The following CACNG5 variants were observed in gnomAD, a reference collection of about 807,000 sequenced individuals.
CACNG5 encodes voltage-dependent calcium channel gamma-5 subunit.
Under a neutral mutation model 24.8 loss-of-function variants are expected in CACNG5, and 18 were observed. That is an observed-to-expected ratio of 0.73 (90% CI 0.50 to 1.08). The LOEUF is 1.08. CACNG5 is among the 50% of genes least tolerant of loss of function. CACNG5 has a pLI of 0.00. For synonymous variants in CACNG5, 157 were observed against 149.1 expected, an observed-to-expected ratio of 1.05 and a Z score of -0.39; for missense variants, 349 against 367.9, an observed-to-expected ratio of 0.95 and a Z score of 0.42.
chr17:66,866,921 A>G (rs984688176), intron 1 of CACNG5, among the ~76,000 whole-genome samples: 3 of 152,238 alleles, frequency 2.0e-5, no homozygotes, highest in Admixed American at 1.3e-4. Context: ...ATAGTGCTGC[A>G]ATAAACATAT....
intron 1 of CACNG5, among the ~76,000 whole-genome samples, chr17:66,851,935 A>G (rs1976713125): frequency 6.6e-6 from 1 of 152,214 alleles, no homozygotes; most frequent in Non-Finnish European, 1.5e-5. Context: ...GGATACTTGG[A>G]TAGCTGATAA....
At chr17:66,865,029 G>T (rs1250299461) in intron 1 of CACNG5, among the ~76,000 whole-genome samples, 2 of 152,146 alleles carry the variant, frequency 1.3e-5, no homozygotes, top group Non-Finnish European at 1.5e-5. Flanking sequence ...CCCAAGTGTT[G>T]AGATTACAGG....
chr17:66,861,064 ATTTC>A (rs1976850120), intron 1 of CACNG5, among the ~76,000 whole-genome samples: 1 of 152,286 alleles, frequency 6.6e-6, no homozygotes, highest in African/African-American at 2.4e-5. Flanking sequence ...ATAATTGCAT[ATTTC>A]TTCTCGACAG....
chr17:66,879,125 G>T, intron 3 of CACNG5, 67 bp downstream of exon 3: 1 of 1,178,190 alleles, frequency 8.5e-7, no homozygotes. Context: ...AGAGGGAAGA[G>T]TCAGTGTGCC....
At chr17:66,859,550 G>C (rs1401284902) in intron 1 of CACNG5, among the ~76,000 whole-genome samples, 1 of 152,112 alleles carries the variant, frequency 6.6e-6, no homozygotes, top group East Asian at 1.9e-4. Flanking sequence ...TCCTCCTTGG[G>C]CAGCACCGTG....
intron 1 of CACNG5, among the ~76,000 whole-genome samples, chr17:66,849,114 G>A (rs1568063087): frequency 6.6e-6 from 1 of 152,226 alleles, no homozygotes; most frequent in Non-Finnish European, 1.5e-5. Context: ...CAAAACTGCA[G>A]CCAACATTTT....
rs983109679 is a variant in CACNG5, at chr17:66,887,265, G to C, written c.*2025G>C. Among the ~76,000 whole-genome samples the C allele has an allele frequency of 4.5e-4, 69 of 152,210 alleles. 1 individual carries two copies. Among genetic ancestry groups the C allele is most frequent in the Admixed American group, 4.4e-3 (68 of 15,286 alleles). ...TCCTTGGGCAACACCCTTCCACTCT[G>C]AGGGGCTTGGCCTAAATGGTTTCCA... On this transcript the variant is annotated 3_prime_UTR_variant, in exon 6 of 6. Coordinates refer to ENST00000533854, the MANE Select transcript of CACNG5 (RefSeq NM_145811.3).
chr17:66,892,159 A>T lies in CACNG5; in HGVS notation c.*6919A>T, dbSNP rs1977353489. ...GCTGGGTGGACTCCTGAGGAGGTGG[A>T]AGCCCCAGGGACCTCCCCCCACTCC... On this transcript the variant is annotated 3_prime_UTR_variant, in exon 6 of 6. Transcript: ENST00000533854. Among the ~76,000 whole-genome samples, 1 of 152,194 alleles carries T rather than the reference A, an allele frequency of 6.6e-6. No individual in the cohort carries two copies. The highest frequency in any genetic ancestry group is 1.5e-5 in the Non-Finnish European group (1 of 68,020).
At chr17:66,858,855 G>A (rs1976817892) in intron 1 of CACNG5, among the ~76,000 whole-genome samples, 1 of 152,176 alleles carries the variant, frequency 6.6e-6, no homozygotes, top group African/African-American at 2.4e-5. Context: ...TACTCACAAT[G>A]TTCTTTAAAG....
rs1453055909 is a variant in CACNG5, at chr17:66,884,664, A to G, written c.570+3A>G. Reference sequence around the variant, plus strand: ...CCATCTCCTTCCTTTTAACGGAGGTAAAGCCCGTCACCCTAAGTATGGATA... The same window carrying G: ...CCATCTCCTTCCTTTTAACGGAGGTGAAGCCCGTCACCCTAAGTATGGATA... On this transcript the variant is annotated splice_donor_region_variant and intron_variant, in intron 5 of 5. Coordinates refer to ENST00000533854, the MANE Select transcript of CACNG5 (RefSeq NM_145811.3). 1.9e-5 allele frequency: 31 copies of G among 1,614,058 alleles called. No homozygotes were observed. The highest frequency in any genetic ancestry group is 2.6e-5 in the Non-Finnish European group (31 of 1,180,032).
chr17:66,861,244 A>G (rs572507655), intron 1 of CACNG5, among the ~76,000 whole-genome samples: 1 of 152,250 alleles, frequency 6.6e-6, no homozygotes, highest in Admixed American at 6.5e-5. Flanking sequence ...TCACATACAC[A>G]GGAAGAAATG....
Position 66,886,419 on chromosome 17 carries a change from G to C in CACNG5, c.*1179G>C, listed in dbSNP as rs778940386. Among the ~76,000 whole-genome samples the C allele has an allele frequency of 1.3e-5, 2 of 152,228 alleles. No homozygotes were observed. Among genetic ancestry groups the C allele is most frequent in the Non-Finnish European group, 2.9e-5 (2 of 68,032 alleles). Reference sequence around the variant, plus strand: ...TCAGATTTTTCCAGAAGACCAGGCAGTGTGACACCCATTCTTCTGGTGGGA... The same window carrying C: ...TCAGATTTTTCCAGAAGACCAGGCACTGTGACACCCATTCTTCTGGTGGGA... On this transcript the variant is annotated 3_prime_UTR_variant, in exon 6 of 6. Coordinates refer to ENST00000533854, the MANE Select transcript of CACNG5 (RefSeq NM_145811.3).
chr17:66,874,075 T>C (rs1977045388), intron 1 of CACNG5, among the ~76,000 whole-genome samples: 3 of 151,190 alleles, frequency 2.0e-5, no homozygotes, highest in African/African-American at 7.3e-5. Context: ...GGCTTGGGAG[T>C]GGGGCAAGGT....
chr17:66,843,450 G>T (rs150426658), intron 1 of CACNG5, among the ~76,000 whole-genome samples: 46 of 152,340 alleles, frequency 3.0e-4, no homozygotes, highest in African/African-American at 1.1e-3. Flanking sequence ...GTTTCTGGCA[G>T]AATGTTTGGG....
chr17:66,862,364 G>T (rs1215287213), intron 1 of CACNG5, among the ~76,000 whole-genome samples: 1 of 95,230 alleles, frequency 1.1e-5, no homozygotes, highest in Non-Finnish European at 2.6e-5. Context: ...AATCCAGCTT[G>T]TGTCACTTAC....
In CACNG5 at chr17:66,885,759, T is replaced by C. The variant is rs1977250629; in HGVS notation, c.*519T>C. ...TGACTTAGACATGTCAAGCTGTCAG[T>C]GTTCCTTCTGAACTCCTTTCTCCTT... On this transcript the variant is annotated 3_prime_UTR_variant, in exon 6 of 6. Transcript: ENST00000533854. Among the ~76,000 whole-genome samples the C allele has an allele frequency of 6.6e-6, 1 of 152,376 alleles. No homozygotes were observed. The highest frequency in any genetic ancestry group is 2.1e-4 in the South Asian group (1 of 4,834).
At chr17:66,859,575 C>T (rs1355540485) in intron 1 of CACNG5, among the ~76,000 whole-genome samples, 3 of 152,100 alleles carry the variant, frequency 2.0e-5, no homozygotes, top group East Asian at 1.9e-4. Flanking sequence ...TCTTGAGGGG[C>T]GTGTCTTCTG....
At chr17:66,838,543 G>A (rs1976515664) in intron 1 of CACNG5, among the ~76,000 whole-genome samples, 1 of 151,890 alleles carries the variant, frequency 6.6e-6, no homozygotes, top group Non-Finnish European at 1.5e-5. Flanking sequence ...GGTCCTGGCT[G>A]GTGAAGCCCC....
chr17:66,874,474 G>A lies in CACNG5; in HGVS notation c.-103-2756G>A, dbSNP rs183330215. Among the ~76,000 whole-genome samples, 6 of 152,288 alleles carry A rather than the reference G, an allele frequency of 3.9e-5. No homozygotes were observed. The East Asian group carries it at 7.7e-4, about 20-fold the overall frequency. On this transcript the variant is annotated intron_variant, in intron 1 of 5. Transcript: ENST00000533854. ...GATGAGGGCTTTCATAGGGCATCAC[G>A]ACAGAGCAGAGAAGGGCAAGAAGGA...
Sources: gnomAD v4.1 joint callset for allele counts (sites outside exome capture counted in the v4.1 genomes callset) on GRCh38, gnomAD v4.1.1 for gene constraint, MANE v1.5 for transcripts, NCBI Gene and HGNC (gene_info 2026-07-23, HGNC 2026-07-21) for gene names.